Variants in LRP1B observed in about 807,000 individuals in gnomAD.
The protein encoded by LRP1B is low-density lipoprotein receptor-related protein 1B.
In LRP1B, 217 loss-of-function variants were observed where a neutral mutation model predicts 556.6. The ratio of observed to expected loss-of-function variants is 0.39; its 90% CI spans 0.35 to 0.44. The LOEUF (loss-of-function observed/expected upper bound fraction) is 0.44, where lower values mean the gene tolerates loss of function less well. Among genes scored for constraint, LRP1B ranks in the 20% least tolerant of loss-of-function variants. The pLI is 1.00. For missense variants in LRP1B, 5,053 were observed against 5,620.8 expected (o/e 0.90, Z 3.23); for synonymous variants, 2,047 against 1,865.8 (o/e 1.10, Z -2.50).
intron 20 of LRP1B, among the ~76,000 whole-genome samples, chr2:140,943,588 T>C (rs536503077): frequency 5.3e-4 from 80 of 151,928 alleles, no homozygotes; most frequent in Non-Finnish European, 1.1e-3. Context: ...TATAGTGAAA[T>C]AGAAATAGAA....
chr2:140,434,014 T>G (rs1490212129), intron 66 of LRP1B, among the ~76,000 whole-genome samples: 1 of 152,100 alleles, frequency 6.6e-6, no homozygotes, highest in African/African-American at 2.4e-5. Context: ...TGTTCTCTAC[T>G]CTATTTCTAT....
chr2:141,217,556 A>G (rs1413745952), intron 6 of LRP1B, among the ~76,000 whole-genome samples: 6 of 152,150 alleles, frequency 3.9e-5, no homozygotes, highest in African/African-American at 1.4e-4. Context: ...ATGAAATTTG[A>G]CCTCTACCTC....
chr2:140,476,455 T>A (rs565382656), intron 59 of LRP1B, among the ~76,000 whole-genome samples: 2 of 152,030 alleles, frequency 1.3e-5, no homozygotes, highest in Admixed American at 1.3e-4. Context: ...ATCTAAAACA[T>A]TCTTTAAAGA....
intron 20 of LRP1B, among the ~76,000 whole-genome samples, chr2:140,926,731 G>C (rs577978407): frequency 6.6e-6 from 1 of 152,218 alleles, no homozygotes; most frequent in South Asian, 2.1e-4. Flanking sequence ...GTAGATTTTA[G>C]GGGATTTATA....
Position 141,874,199 on chromosome 2 carries a change from G to A in LRP1B, c.83-63798C>T, listed in dbSNP as rs116344487. Among the ~76,000 whole-genome samples the A allele has an allele frequency of 2.8e-3, 408 of 146,828 alleles. 4 individuals are homozygous for A. The highest frequency in any genetic ancestry group is 9.8e-3 in the African/African-American group (386 of 39,450). Reference sequence around the variant, plus strand: ...TCTAATGTTAATTGGTTGACCAGCTGGCATACATTTCACTGAAAAATATAT... The same window carrying A: ...TCTAATGTTAATTGGTTGACCAGCTAGCATACATTTCACTGAAAAATATAT... On this transcript the variant is annotated intron_variant, in intron 1 of 90. Transcript: ENST00000389484.
At chr2:141,215,387 T>C (rs2105262756) in intron 6 of LRP1B, among the ~76,000 whole-genome samples, 1 of 152,314 alleles carries the variant, frequency 6.6e-6, no homozygotes, top group Non-Finnish European at 1.5e-5. Context: ...AACAGCCTAA[T>C]ACAGATAATT....
At chr2:141,138,809 C>A (rs1701555629) in intron 7 of LRP1B, among the ~76,000 whole-genome samples, 5 of 151,706 alleles carry the variant, frequency 3.3e-5, no homozygotes, top group Admixed American at 3.3e-4. Context: ...CTTATCAGTT[C>A]AATGAAATAT....
intron 58 of LRP1B, among the ~76,000 whole-genome samples, chr2:140,486,844 ATT>A (rs1411192588): frequency 4.6e-5 from 7 of 151,842 alleles, no homozygotes; most frequent in Non-Finnish European, 8.9e-5. Flanking sequence ...CCAGCTTACT[ATT>A]TGTTTCATCA....
At chr2:142,021,423 C>T (rs10496910) in intron 1 of LRP1B, among the ~76,000 whole-genome samples, 13,017 of 152,046 alleles carry the variant, frequency 0.086, 710 homozygotes, top group East Asian at 0.17. Context: ...GAGGATTTAA[C>T]AGATGAGCAC....
At chr2:141,907,791 AACAC>A (rs1192988021) in intron 1 of LRP1B, among the ~76,000 whole-genome samples, 1 of 151,950 alleles carries the variant, frequency 6.6e-6, no homozygotes, top group African/African-American at 2.4e-5. Flanking sequence ...GGACACAAAT[AACAC>A]ATAAGTGAAT....
chr2:141,357,490 G>A (rs1688669530), intron 3 of LRP1B, among the ~76,000 whole-genome samples: 2 of 152,146 alleles, frequency 1.3e-5, no homozygotes, highest in Non-Finnish European at 2.9e-5. Flanking sequence ...TATCAAAGAA[G>A]TTAAGAGCTG....
At chr2:140,532,954 A>ATCTATATC in intron 47 of LRP1B, among the ~76,000 whole-genome samples, 2 of 54,610 alleles carry the variant, frequency 3.7e-5, no homozygotes, top group African/African-American at 9.1e-5. Context: ...ATATACACAT[A>ATCTATATC]TATATCTCGA....
At chr2:140,650,520 T>G (rs1684646102) in intron 41 of LRP1B, among the ~76,000 whole-genome samples, 1 of 151,982 alleles carries the variant, frequency 6.6e-6, no homozygotes, top group Admixed American at 6.6e-5. Flanking sequence ...AGCTAATTTT[T>G]ATATTTTTAG....
intron 67 of LRP1B, among the ~76,000 whole-genome samples, chr2:140,383,840 A>G (rs1490838701): frequency 6.6e-6 from 1 of 152,152 alleles, no homozygotes; most frequent in East Asian, 1.9e-4. Flanking sequence ...AGAACCACAC[A>G]TAATTGGGTA....
intron 43 of LRP1B, among the ~76,000 whole-genome samples, chr2:140,593,767 A>C (rs1321800765): frequency 6.6e-6 from 1 of 152,182 alleles, no homozygotes; most frequent in Admixed American, 6.5e-5. Context: ...GGGTTTATTA[A>C]ACTTCAGATT....
chr2:141,998,835 T>G (rs1376925084), intron 1 of LRP1B, among the ~76,000 whole-genome samples: 2 of 152,180 alleles, frequency 1.3e-5, no homozygotes, highest in East Asian at 3.9e-4. Flanking sequence ...TAGGGGGTTA[T>G]GGAGACCAAC....
At position 140,702,142 on chromosome 2, in the gene LRP1B, T is replaced by C. The variant is rs1686667192; in HGVS notation, c.6301A>G (p.Arg2101Gly). The C allele has an allele frequency of 1.2e-6, 2 of 1,612,748 alleles. No homozygotes were observed. Among genetic ancestry groups the C allele is most frequent in the Non-Finnish European group, 1.7e-6 (2 of 1,179,402 alleles). ...VFGAYIYWSDRAHANGSVRRG... is the reference protein window; with the variant it reads ...VFGAYIYWSDGAHANGSVRRG... The stretch of plus-strand genomic sequence containing the variant: ...AATACTTATGAAAAAATAAATTACC[T>C]GTCAGACCAGTAGATGTAAGCCCCA... The change falls in exon 39 of 91, where the codon AGA (arginine) becomes GGA (glycine). Residue 2101 changes from arginine to glycine, a missense_variant and splice_region_variant. Coordinates refer to ENST00000389484, the MANE Select transcript of LRP1B (RefSeq NM_018557.3).
chr2:140,787,561 T>TTTA (rs1337618692), intron 32 of LRP1B, among the ~76,000 whole-genome samples: 1 of 30,522 alleles, frequency 3.3e-5, no homozygotes, highest in Non-Finnish European at 8.9e-5. Context: ...ACAGAAGATT[T>TTTA]TTTTTTTTTT....
intron 41 of LRP1B, among the ~76,000 whole-genome samples, chr2:140,660,079 G>C (rs1367168088): frequency 2.6e-5 from 4 of 151,770 alleles, no homozygotes; most frequent in Non-Finnish European, 4.4e-5. Flanking sequence ...TTTTCAAAAA[G>C]TGTATATTAT....
Sources: gnomAD v4.1 joint callset for allele counts (sites outside exome capture counted in the v4.1 genomes callset) on GRCh38, gnomAD v4.1.1 for gene constraint, MANE v1.5 for transcripts, NCBI Gene and HGNC (gene_info 2026-07-23, HGNC 2026-07-21) for gene names.